LINGO2: variants seen among roughly 807,000 people sequenced by gnomAD.
LINGO2 encodes leucine-rich repeat and immunoglobulin-like domain-containing nogo receptor-interacting protein 2.
LINGO2 carries 14 observed loss-of-function variants against 30.6 expected under a neutral mutation model. The ratio of observed to expected loss-of-function variants is 0.46; its 90% CI spans 0.30 to 0.72. The LOEUF is 0.72. Among genes scored for constraint, LINGO2 ranks in the 30% least tolerant of loss-of-function variants. LINGO2 has a pLI of 0.07. For missense variants in LINGO2, 729 were observed against 751.7 expected (o/e 0.97, Z 0.35); for synonymous variants, 317 against 288.5 (o/e 1.10, Z -1.00).
At chr9:28,737,455 G>C in the LINGO2 span, among the ~76,000 whole-genome samples, 23 of 152,310 alleles carry the variant, frequency 1.5e-4, no homozygotes, top group South Asian at 3.9e-3. Flanking sequence ...CATGATATTA[G>C]TAAAGTGGCA....
At chr9:27,990,463 C>CCCA (rs1554650628) in intron 5 of LINGO2, among the ~76,000 whole-genome samples, 3 of 8,086 alleles carry the variant, frequency 3.7e-4, no homozygotes, top group Non-Finnish European at 3.7e-3. Flanking sequence ...GGTCTCAATA[C>CCCA]CCCCCCCCCT....
intron 4 of LINGO2, among the ~76,000 whole-genome samples, chr9:28,034,597 A>C (rs74789131): frequency 1.3e-5 from 2 of 152,158 alleles, no homozygotes; most frequent in African/African-American, 4.8e-5. Context: ...CGAGGATAAT[A>C]TCTCTTGGCT....
the LINGO2 span, among the ~76,000 whole-genome samples, chr9:28,880,658 G>T: frequency 6.6e-6 from 1 of 152,124 alleles, no homozygotes; most frequent in African/African-American, 2.4e-5. Context: ...CTGTGCTGAG[G>T]GGGACTGGTG....
At chr9:29,207,044 T>TATATATGTAAATATACATATGTACATAC in the LINGO2 span, among the ~76,000 whole-genome samples, 3 of 151,910 alleles carry the variant, frequency 2.0e-5, no homozygotes, top group Non-Finnish European at 4.4e-5. Context: ...TGTGTACATA[T>TATATATGTAAATATACATATGTACATAC]ATATATGTAA....
chr9:28,860,797 CTG>C, the LINGO2 span, among the ~76,000 whole-genome samples: 2 of 148,912 alleles, frequency 1.3e-5, no homozygotes, highest in East Asian at 3.9e-4. Context: ...TTTCCGAAGT[CTG>C]TATCACTGTC....
At chr9:28,755,012 A>G in the LINGO2 span, among the ~76,000 whole-genome samples, 2 of 152,062 alleles carry the variant, frequency 1.3e-5, no homozygotes, top group Non-Finnish European at 2.9e-5. Flanking sequence ...ATATTAAATT[A>G]CATTAATAAT....
At chr9:28,132,606 A>G (rs571322712) in intron 4 of LINGO2, among the ~76,000 whole-genome samples, 8 of 152,322 alleles carry the variant, frequency 5.3e-5, no homozygotes, top group African/African-American at 1.9e-4. Flanking sequence ...CGTTAACAAA[A>G]TCTAGTAACT....
chr9:27,984,138 T>C (rs537293242), intron 5 of LINGO2, among the ~76,000 whole-genome samples: 1 of 152,016 alleles, frequency 6.6e-6, no homozygotes, highest in Non-Finnish European at 1.5e-5. Flanking sequence ...TTGTGGTCCC[T>C]TTCATAATAT....
Position 28,453,608 on chromosome 9 carries a change from G to A in LINGO2, c.-279+22332C>T, listed in dbSNP as rs190577425. 1.2e-3 allele frequency among the ~76,000 whole-genome samples: 183 copies of A among 151,928 alleles called. 2 individuals are homozygous for A. The highest frequency in any genetic ancestry group is 4.2e-3 in the African/African-American group (176 of 41,512). On this transcript the variant is annotated intron_variant, in intron 2 of 5. Coordinates refer to ENST00000379992, the Ensembl canonical transcript of LINGO2. ...TTAAAATCACTACCTAGATTATTGG[G>A]AATCTCTACAAGTTTTTCAAAAGAG...
At chr9:28,166,311 T>C (rs1828424871) in intron 4 of LINGO2, among the ~76,000 whole-genome samples, 1 of 152,198 alleles carries the variant, frequency 6.6e-6, no homozygotes, top group South Asian at 2.1e-4. Flanking sequence ...GGAGCCAGAT[T>C]GCTTGTGTTC....
rs111737484 is a variant in LINGO2 at position 28,343,218 on chromosome 9, T to C, written c.-246+29618A>G. On this transcript the variant is annotated intron_variant, in intron 3 of 5. Coordinates refer to ENST00000379992, the Ensembl canonical transcript of LINGO2. The stretch of plus-strand genomic sequence containing the variant: ...GGGTAATGGGTCATACAATGAAGCA[T>C]CATAATAAGACAATCACAAGTTAAA... Among the ~76,000 whole-genome samples, 866 of 152,256 alleles carry C rather than the reference T, an allele frequency of 5.7e-3. 7 individuals are homozygous for C. Among genetic ancestry groups the C allele is most frequent in the Middle Eastern group, 0.02 (6 of 294 alleles).
At chr9:28,527,172 A>G (rs1821068557) in intron 1 of LINGO2, among the ~76,000 whole-genome samples, 1 of 152,198 alleles carries the variant, frequency 6.6e-6, no homozygotes, top group Non-Finnish European at 1.5e-5. Context: ...ACAGGCAAGC[A>G]AACTTGGTTC....
chr9:28,647,551 A>AT (rs1414488916), intron 1 of LINGO2, among the ~76,000 whole-genome samples: 1 of 151,980 alleles, frequency 6.6e-6, no homozygotes, highest in Non-Finnish European at 1.5e-5. Flanking sequence ...AAAATGACAT[A>AT]TTTTTTCCTG....
At chr9:27,941,419 G>C in the LINGO2 span, 2 of 152,360 alleles carry the variant, frequency 1.3e-5, no homozygotes, top group East Asian at 3.9e-4. Flanking sequence ...CCTGTTGACA[G>C]AGTGAGACTC....
chr9:28,239,383 C>T (rs1045666338), intron 4 of LINGO2, among the ~76,000 whole-genome samples: 1 of 151,988 alleles, frequency 6.6e-6, no homozygotes, highest in African/African-American at 2.4e-5. Context: ...TTCAAAAATA[C>T]TCAACAAAAT....
intron 3 of LINGO2, among the ~76,000 whole-genome samples, chr9:28,367,515 G>C (rs1257305669): frequency 4.6e-5 from 7 of 151,784 alleles, no homozygotes; most frequent in African/African-American, 1.7e-4. Context: ...TTTCCTGGGG[G>C]CCATTTTCTC....
chr9:29,048,229 T>A, the LINGO2 span, among the ~76,000 whole-genome samples: 3 of 151,602 alleles, frequency 2.0e-5, no homozygotes, highest in Non-Finnish European at 2.9e-5. Flanking sequence ...TAGCCACACA[T>A]AAAATTAAAT....
the LINGO2 span, among the ~76,000 whole-genome samples, chr9:28,947,112 T>G: frequency 2.6e-5 from 4 of 152,070 alleles, no homozygotes; most frequent in Admixed American, 6.6e-5. Context: ...TATATATCTA[T>G]ATCTAGATCT....
intron 4 of LINGO2, among the ~76,000 whole-genome samples, chr9:28,224,003 G>C (rs1054078233): frequency 1.3e-5 from 2 of 152,148 alleles, no homozygotes; most frequent in African/African-American, 4.8e-5. Flanking sequence ...CTACTTTCAG[G>C]TAATAGCTGT....
Sources: allele counts gnomAD v4.1 joint callset (sites outside exome capture counted in the v4.1 genomes callset), GRCh38; gene constraint gnomAD v4.1.1; transcripts MANE v1.5; gene names NCBI Gene and HGNC (gene_info 2026-07-23, HGNC 2026-07-21).